The following MSI2 variants were observed in gnomAD, a reference collection of about 807,000 sequenced individuals.
The protein encoded by MSI2 is musashi RNA binding protein 2.
A neutral mutation model predicts 45.6 loss-of-function variants in MSI2; 17 were observed. The observed-to-expected ratio is 0.37, with a 90% CI of 0.26 to 0.56. The LOEUF (loss-of-function observed/expected upper bound fraction) is 0.56, where lower values mean the gene tolerates loss of function less well. MSI2 is among the 20% of genes least tolerant of loss of function. The probability of loss-of-function intolerance (pLI) is 0.77; values close to 1 mark genes in which losing one functional copy is unlikely to be tolerated. For missense variants in MSI2, 293 were observed against 444.2 expected, an observed-to-expected ratio of 0.66 and a Z score of 3.06; for synonymous variants, 156 against 158.2, an observed-to-expected ratio of 0.99 and a Z score of 0.11.
chr17:57,293,282 CT>C (rs1426985728), intron 5 of MSI2, among the ~76,000 whole-genome samples: 1 of 152,120 alleles, frequency 6.6e-6, no homozygotes, highest in East Asian at 1.9e-4. Context: ...ATGACTTGTC[CT>C]GCTTCCGGCT....
chr17:57,472,614 C>T (rs2143695673), intron 6 of MSI2, among the ~76,000 whole-genome samples: 1 of 152,290 alleles, frequency 6.6e-6, no homozygotes, highest in Middle Eastern at 3.4e-3. Context: ...TGAGCAAGCC[C>T]CTTAATGTTT....
intron 5 of MSI2, among the ~76,000 whole-genome samples, chr17:57,294,250 C>T (rs1275089824): frequency 1.3e-5 from 2 of 152,146 alleles, no homozygotes; most frequent in East Asian, 1.9e-4. Flanking sequence ...CCTCCTTTAT[C>T]ATAAATCTTG....
intron 10 of MSI2, among the ~76,000 whole-genome samples, chr17:57,650,768 G>A (rs541041080): frequency 1.3e-5 from 2 of 152,186 alleles, no homozygotes; most frequent in South Asian, 2.1e-4. Flanking sequence ...CAGTAGTACC[G>A]TGTAGCTAGG....
At chr17:57,378,116 A>T (rs1471152865) in intron 5 of MSI2, among the ~76,000 whole-genome samples, 2 of 151,554 alleles carry the variant, frequency 1.3e-5, no homozygotes, top group Non-Finnish European at 2.9e-5. Context: ...CATTATGGAC[A>T]TTCTTTTTTT....
intron 10 of MSI2, among the ~76,000 whole-genome samples, chr17:57,637,555 C>T (rs1309041415): frequency 6.6e-6 from 1 of 152,232 alleles, no homozygotes; most frequent in African/African-American, 2.4e-5. Context: ...GCTCAGCTCC[C>T]CATGGCAAAG....
At chr17:57,493,554 G>A (rs1372216769) in intron 6 of MSI2, among the ~76,000 whole-genome samples, 1 of 151,416 alleles carries the variant, frequency 6.6e-6, no homozygotes, top group African/African-American at 2.4e-5. Flanking sequence ...CATTGCCTGT[G>A]GGTCATAATG....
At chr17:57,347,703 C>T (rs1322743256) in intron 5 of MSI2, among the ~76,000 whole-genome samples, 1 of 152,194 alleles carries the variant, frequency 6.6e-6, no homozygotes, top group African/African-American at 2.4e-5. Flanking sequence ...CCTGGTTTCT[C>T]TCTTGGTAGA....
At chr17:57,502,571 T>C (rs1046839193) in intron 6 of MSI2, among the ~76,000 whole-genome samples, 1 of 133,642 alleles carries the variant, frequency 7.5e-6, no homozygotes, top group Non-Finnish European at 1.6e-5. Context: ...GTTTGAGGGA[T>C]ATGGACAGGG....
At chr17:57,638,541 A>G (rs775721865) in intron 10 of MSI2, among the ~76,000 whole-genome samples, 45 of 152,030 alleles carry the variant, frequency 3.0e-4, no homozygotes, top group Non-Finnish European at 5.4e-4. Flanking sequence ...AAGGGGTGAA[A>G]ACTTAGTCCA....
intron 8 of MSI2, among the ~76,000 whole-genome samples, chr17:57,610,128 T>G (rs11658103): frequency 0.62 from 94,454 of 151,892 alleles, 29,529 homozygotes; most frequent in Non-Finnish European, 0.64. Context: ...CTCATGTTTA[T>G]GAAACGCATA....
intron 5 of MSI2, among the ~76,000 whole-genome samples, chr17:57,371,208 C>T (rs1030400132): frequency 2.0e-5 from 3 of 152,182 alleles, no homozygotes; most frequent in Non-Finnish European, 4.4e-5. Flanking sequence ...AGCCACAAAA[C>T]ATGGCAAGGT....
intron 5 of MSI2, among the ~76,000 whole-genome samples, chr17:57,382,642 T>C (rs2083616915): frequency 6.6e-6 from 1 of 152,198 alleles, no homozygotes; most frequent in Non-Finnish European, 1.5e-5. Flanking sequence ...CTGGCAATTT[T>C]TGATGGCTCT....
At chr17:57,455,041 C>T (rs545593942) in intron 6 of MSI2, among the ~76,000 whole-genome samples, 1 of 152,278 alleles carries the variant, frequency 6.6e-6, no homozygotes, top group African/African-American at 2.4e-5. Flanking sequence ...CCTGATTTTC[C>T]CACCCACCTT....
At chr17:57,458,848 G>A (rs2085168679) in intron 6 of MSI2, among the ~76,000 whole-genome samples, 3 of 152,224 alleles carry the variant, frequency 2.0e-5, no homozygotes, top group Non-Finnish European at 1.5e-5. Context: ...GCCGTGGGAG[G>A]ATAATTTGAG....
chr17:57,357,923 T>G (rs1286354461), intron 5 of MSI2, among the ~76,000 whole-genome samples: 1 of 152,286 alleles, frequency 6.6e-6, no homozygotes, highest in African/African-American at 2.4e-5. Context: ...GACTTGATCA[T>G]CCAGCCAGGA....
At chr17:57,383,817 C>T (rs982705584) in intron 5 of MSI2, among the ~76,000 whole-genome samples, 1 of 152,176 alleles carries the variant, frequency 6.6e-6, no homozygotes, top group African/African-American at 2.4e-5. Context: ...TCAATGCCAT[C>T]AGCAGCGAGG....
chr17:57,343,424 T>A (rs1441816835), intron 5 of MSI2, among the ~76,000 whole-genome samples: 2 of 152,172 alleles, frequency 1.3e-5, no homozygotes, highest in African/African-American at 4.8e-5. Context: ...ATATCCTTTA[T>A]CAGCATTTTA....
At chr17:57,690,999 G>A in the MSI2 span, among the ~76,000 whole-genome samples, 1 of 152,064 alleles carries the variant, frequency 6.6e-6, no homozygotes, top group African/African-American at 2.4e-5. Context: ...TATGGGGTCT[G>A]GTTTTTCTTT....
At chr17:57,661,943 G>A (rs1333117392) in intron 11 of MSI2, among the ~76,000 whole-genome samples, 1 of 152,172 alleles carries the variant, frequency 6.6e-6, no homozygotes, top group Non-Finnish European at 1.5e-5. Context: ...TGAATGAAAG[G>A]TGAGATTATG....
Sources: allele counts gnomAD v4.1 joint callset (sites outside exome capture counted in the v4.1 genomes callset), GRCh38; gene constraint gnomAD v4.1.1; transcripts MANE v1.5; gene names NCBI Gene and HGNC (gene_info 2026-07-23, HGNC 2026-07-21).